Variants in STK32A observed in about 807,000 individuals in gnomAD.
The protein encoded by STK32A is serine/threonine-protein kinase 32A.
Under a neutral mutation model 53.2 loss-of-function variants are expected in STK32A, and 41 were observed. That is an observed-to-expected ratio of 0.77 (90% confidence interval 0.60 to 1.00). STK32A has a LOEUF of 1.00. Among genes scored for constraint, STK32A ranks in the 50% least tolerant of loss-of-function variants. The pLI, the probability that STK32A is intolerant of heterozygous loss-of-function variation, is 0.00. For missense variants in STK32A, 458 were observed against 485.8 expected, an observed-to-expected ratio of 0.94 and a Z score of 0.54; for synonymous variants, 166 against 162.8, an observed-to-expected ratio of 1.02 and a Z score of -0.15.
downstream of STK32A, among the ~76,000 whole-genome samples, chr5:147,388,968 GC>G (rs1287796573): frequency 1.3e-5 from 2 of 152,170 alleles, no homozygotes; most frequent in Non-Finnish European, 2.9e-5. Flanking sequence ...CTGAGTTAGA[GC>G]CATAAAATGG....
At chr5:147,292,756 G>T (rs1307452067) in intron 4 of STK32A, among the ~76,000 whole-genome samples, 1 of 152,148 alleles carries the variant, frequency 6.6e-6, no homozygotes, top group Non-Finnish European at 1.5e-5. Context: ...AGCTACTCGG[G>T]AGGCTGAGGC....
In STK32A at chr5:147,334,053, C is replaced by A. The variant is rs372908168; in HGVS notation, c.435-8953C>A. Among the ~76,000 whole-genome samples, 9 of 152,164 alleles carry A rather than the reference C, an allele frequency of 5.9e-5. No individual in the cohort carries two copies. In the South Asian group the frequency reaches 1.9e-3, roughly 32 times the overall value. On this transcript the variant is annotated intron_variant, in intron 5 of 12. Coordinates refer to ENST00000397936, the MANE Select transcript of STK32A (RefSeq NM_001112724.2). ...ATCAGGAGTGCTTAATAAATGGAAG[C>A]CACACTGCGATTTTCCAGATAATTG...
intron 8 of STK32A, among the ~76,000 whole-genome samples, chr5:147,366,685 T>A (rs1257717347): frequency 2.0e-5 from 3 of 152,214 alleles, no homozygotes; most frequent in Admixed American, 6.5e-5. Flanking sequence ...TCAGCTGTAG[T>A]CTCTAAGGCA....
intron 11 of STK32A, among the ~76,000 whole-genome samples, chr5:147,381,640 C>G (rs1415814061): frequency 7.7e-6 from 1 of 129,938 alleles, no homozygotes; most frequent in Admixed American, 7.7e-5. Context: ...AAAAGTCTGT[C>G]AGAAAAAAAA....
At chr5:147,349,615 C>T (rs1432307243) in intron 6 of STK32A, among the ~76,000 whole-genome samples, 2 of 152,104 alleles carry the variant, frequency 1.3e-5, no homozygotes, top group African/African-American at 4.8e-5. Flanking sequence ...AAGTATTAGA[C>T]CCACACTATA....
At chr5:147,323,576 A>G (rs990311347) in intron 4 of STK32A, among the ~76,000 whole-genome samples, 2 of 152,162 alleles carry the variant, frequency 1.3e-5, no homozygotes, top group Non-Finnish European at 2.9e-5. Flanking sequence ...TAAATGGATA[A>G]CTTGGGTTCT....
chr5:147,331,457 C>A (rs1278612189), intron 5 of STK32A, among the ~76,000 whole-genome samples: 1 of 152,192 alleles, frequency 6.6e-6, no homozygotes, highest in African/African-American at 2.4e-5. Context: ...CTCTTACTTT[C>A]ACTCTTATAA....
At chr5:147,244,331 C>T (rs1753698868) in intron 2 of STK32A, among the ~76,000 whole-genome samples, 1 of 152,178 alleles carries the variant, frequency 6.6e-6, no homozygotes, top group Admixed American at 6.5e-5. Context: ...AATAAGGCTG[C>T]TATAAACATT....
chr5:147,276,690 A>T (rs1327831561), intron 2 of STK32A, among the ~76,000 whole-genome samples: 1 of 152,204 alleles, frequency 6.6e-6, no homozygotes, highest in Non-Finnish European at 1.5e-5. Context: ...CACCCTCATT[A>T]AGCTTATGCT....
chr5:147,325,688 C>T (rs1453943038), intron 5 of STK32A, among the ~76,000 whole-genome samples: 2 of 152,102 alleles, frequency 1.3e-5, no homozygotes, highest in Non-Finnish European at 2.9e-5. Context: ...TACGTAGGAT[C>T]TCAGAAGTGA....
chr5:147,333,074 A>G (rs956819249), intron 5 of STK32A, among the ~76,000 whole-genome samples: 1 of 152,216 alleles, frequency 6.6e-6, no homozygotes, highest in Admixed American at 6.5e-5. Flanking sequence ...CCCAGAATAC[A>G]TTATAATATA....
chr5:147,289,885 G>A (rs1267075239), intron 4 of STK32A, among the ~76,000 whole-genome samples: 1 of 152,050 alleles, frequency 6.6e-6, no homozygotes, highest in African/African-American at 2.4e-5. Context: ...TATGTTTACT[G>A]AGCATCGAAA....
chr5:147,237,415 A>G (rs1158853305), intron 1 of STK32A, among the ~76,000 whole-genome samples: 1 of 152,112 alleles, frequency 6.6e-6, no homozygotes, highest in Non-Finnish European at 1.5e-5. Context: ...TAAATGCAAT[A>G]ATAAAGCACA....
At chr5:147,310,690 T>C (rs1261951973) in intron 4 of STK32A, among the ~76,000 whole-genome samples, 6 of 152,234 alleles carry the variant, frequency 3.9e-5, no homozygotes, top group Non-Finnish European at 8.8e-5. Flanking sequence ...TCCTGGATGC[T>C]TGATGAACTT....
At chr5:147,348,628 A>G (rs1451484684) in intron 6 of STK32A, 3 of 740,038 alleles carry the variant, frequency 4.1e-6, no homozygotes, top group Non-Finnish European at 7.6e-6. Context: ...TATGCAGACT[A>G]AAGTAGACAG....
chr5:147,277,159 A>G (rs1210683872), intron 2 of STK32A, among the ~76,000 whole-genome samples: 1 of 152,206 alleles, frequency 6.6e-6, no homozygotes. Flanking sequence ...GACAAATTAT[A>G]TACCATTTAG....
intron 5 of STK32A, among the ~76,000 whole-genome samples, chr5:147,331,895 A>C (rs139343860): frequency 8.5e-5 from 13 of 152,276 alleles, no homozygotes; most frequent in Admixed American, 5.2e-4. Flanking sequence ...GCCTGGGAGG[A>C]GTCTCCCTGA....
chr5:147,372,666 T>C (rs1205381062), intron 9 of STK32A, among the ~76,000 whole-genome samples: 1 of 152,092 alleles, frequency 6.6e-6, no homozygotes, highest in Admixed American at 6.6e-5. Context: ...ACTATAACAG[T>C]TACTTTAGTT....
rs932498767 is a variant in STK32A, at chr5:147,324,055, C to T, written c.418C>T (p.Gln140Ter). ...LVMALDYLQN[Q>*]RIIHRDMKPD... is the part of the protein sequence containing the mutation. The stretch of plus-strand genomic sequence containing the variant: ...CATGGCCCTGGACTACCTGCAGAAC[C>T]AGCGCATCATTCACAGGTCAGTCAA... The change falls in exon 5 of 13, where the codon CAG becomes TAG. Residue 140 changes from glutamine (Q) to a stop codon, truncating the protein, a stop_gained. Coordinates refer to ENST00000397936, the MANE Select transcript of STK32A (RefSeq NM_001112724.2). LOFTEE classifies it high-confidence loss of function. 11 of 1,605,678 alleles carry T rather than the reference C, an allele frequency of 6.9e-6. No individual in the cohort carries two copies. In the African/African-American group the frequency reaches 9.4e-5, roughly 14 times the overall value.
Sources: gnomAD v4.1 joint callset for allele counts (sites outside exome capture counted in the v4.1 genomes callset) on GRCh38, gnomAD v4.1.1 for gene constraint, MANE v1.5 for transcripts, NCBI Gene and HGNC (gene_info 2026-07-23, HGNC 2026-07-21) for gene names.